The following ADARB2 variants were observed in gnomAD, a reference collection of about 807,000 sequenced individuals.
ADARB2 encodes the protein adenosine deaminase RNA specific B2 (inactive).
Under a neutral mutation model 62.2 loss-of-function variants are expected in ADARB2, and 25 were observed. The observed-to-expected ratio is 0.40, with a 90% confidence interval of 0.29 to 0.56. The LOEUF (loss-of-function observed/expected upper bound fraction) is 0.56. Among genes scored for constraint, ADARB2 ranks in the 20% least tolerant of loss-of-function variants. The probability of loss-of-function intolerance (pLI) is 0.43; values close to 1 mark genes in which losing one functional copy is unlikely to be tolerated. For synonymous variants in ADARB2, 572 were observed against 500.8 expected, an observed-to-expected ratio of 1.14 and a Z score of -1.90; for missense variants, 1,071 against 1,077.4, an observed-to-expected ratio of 0.99 and a Z score of 0.08.
intron 7 of ADARB2, among the ~76,000 whole-genome samples, chr10:1,202,921 G>T (rs1016988866): frequency 6.6e-6 from 1 of 152,332 alleles, no homozygotes; most frequent in Middle Eastern, 3.4e-3. Flanking sequence ...ACCGTCGGAA[G>T]ACAAATAACT....
Position 1,355,126 on chromosome 10 carries a change from C to T in ADARB2, c.1077+7902G>A, listed in dbSNP as rs566710595. Among the ~76,000 whole-genome samples, 14 of 152,358 alleles carry T rather than the reference C, an allele frequency of 9.2e-5. 1 individual carries two copies. The South Asian group carries it at 1.0e-3, about 11-fold the overall frequency. On this transcript the variant is annotated intron_variant, in intron 3 of 9. Coordinates refer to ENST00000381312, the MANE Select transcript of ADARB2 (RefSeq NM_018702.4). ...GGCTGCCCACCTCCTCCCACACAGT[C>T]GGGCTCTGCAGTCTTTCAATCAACT...
chr10:1,554,523 C>T (rs981831400), intron 1 of ADARB2, among the ~76,000 whole-genome samples: 42 of 151,990 alleles, frequency 2.8e-4, no homozygotes, highest in African/African-American at 9.9e-4. Context: ...CTGCTGGTGA[C>T]GCTGAAGCAC....
At chr10:1,332,474 C>T in intron 3 of ADARB2, among the ~76,000 whole-genome samples, 1 of 106,068 alleles carries the variant, frequency 9.4e-6, no homozygotes, top group East Asian at 2.2e-4. Flanking sequence ...TAACTAGCAT[C>T]AGTTTTGTTT....
intron 7 of ADARB2, among the ~76,000 whole-genome samples, chr10:1,201,751 G>A (rs1485389068): frequency 6.8e-6 from 1 of 147,432 alleles, no homozygotes; most frequent in African/African-American, 2.5e-5. Flanking sequence ...CCTGGATCTC[G>A]GATGGTGGGA....
intron 3 of ADARB2, among the ~76,000 whole-genome samples, chr10:1,347,305 G>A (rs763682981): frequency 1.3e-5 from 2 of 152,200 alleles, no homozygotes; most frequent in African/African-American, 4.8e-5. Flanking sequence ...CCCAGCCGGC[G>A]TCCCTGGGAC....
At chr10:1,453,283 A>G (rs1056784192) in intron 1 of ADARB2, among the ~76,000 whole-genome samples, 8 of 152,100 alleles carry the variant, frequency 5.3e-5, no homozygotes, top group Non-Finnish European at 1.0e-4. Flanking sequence ...ATGACGTTCA[A>G]TTTCTTTCTG....
intron 1 of ADARB2, among the ~76,000 whole-genome samples, chr10:1,723,531 C>G (rs1419415462): frequency 6.6e-6 from 1 of 152,226 alleles, no homozygotes; most frequent in Non-Finnish European, 1.5e-5. Context: ...TTGATGGTGT[C>G]TTAGGTCCTT....
At chr10:1,223,387 T>C (rs1397246253) in intron 6 of ADARB2, among the ~76,000 whole-genome samples, 2 of 152,216 alleles carry the variant, frequency 1.3e-5, no homozygotes, top group Non-Finnish European at 2.9e-5. Context: ...CTTCCTCTTT[T>C]TCTAATTGAA....
intron 1 of ADARB2, among the ~76,000 whole-genome samples, chr10:1,498,154 C>A (rs1413759599): frequency 2.0e-5 from 3 of 151,948 alleles, no homozygotes; most frequent in Non-Finnish European, 4.4e-5. Flanking sequence ...AGGTGGATCA[C>A]CTGGGGTCAG....
intron 1 of ADARB2, among the ~76,000 whole-genome samples, chr10:1,650,906 T>A (rs1197774012): frequency 6.6e-6 from 1 of 152,162 alleles, no homozygotes; most frequent in Admixed American, 6.5e-5. Flanking sequence ...GTGGAGCAGC[T>A]TTTCCCGGCT....
chr10:1,379,745 G>A (rs1320982271), intron 1 of ADARB2, among the ~76,000 whole-genome samples: 1 of 152,190 alleles, frequency 6.6e-6, no homozygotes, highest in Non-Finnish European at 1.5e-5. Context: ...CGTCCTCAAC[G>A]CGGTGGCTGG....
chr10:1,708,748 A>G (rs377765015), intron 1 of ADARB2, among the ~76,000 whole-genome samples: 233 of 152,264 alleles, frequency 1.5e-3, no homozygotes, highest in African/African-American at 4.8e-3. Context: ...TGAGGATTTG[A>G]CGAGGATGTA....
rs150438004 is a variant in ADARB2 at position 1,391,268 on chromosome 10, A to ACC, written c.101-12110_101-12109dup. Among the ~76,000 whole-genome samples, 493 of 151,156 alleles carry ACC rather than the reference A, an allele frequency of 3.3e-3. 6 individuals carry two copies. The highest frequency in any genetic ancestry group is 0.011 in the African/African-American group (433 of 41,088). On this transcript the variant is annotated intron_variant, in intron 1 of 9. Coordinates refer to ENST00000381312, the MANE Select transcript of ADARB2 (RefSeq NM_018702.4). ...ATAGGCGATGTCTGGGAAGACTGTG[A>ACC]CCCCCCCATAGTGCTCAGCCTATGA...
At chr10:1,512,819 G>A (rs1259675303) in intron 1 of ADARB2, among the ~76,000 whole-genome samples, 4 of 152,192 alleles carry the variant, frequency 2.6e-5, no homozygotes, top group Non-Finnish European at 4.4e-5. Context: ...TGCTGATCTT[G>A]TCATGCCAGG....
intron 1 of ADARB2, among the ~76,000 whole-genome samples, chr10:1,658,972 T>C (rs183354881): frequency 6.6e-6 from 1 of 152,386 alleles, no homozygotes; most frequent in African/African-American, 2.4e-5. Context: ...ACTGTGGTTC[T>C]GTTCAATTGA....
intron 1 of ADARB2, among the ~76,000 whole-genome samples, chr10:1,669,693 C>T (rs187340223): frequency 6.6e-6 from 1 of 151,370 alleles, no homozygotes; most frequent in African/African-American, 2.4e-5. Context: ...CATGCAGACA[C>T]ACACACCCAC....
rs191282250 is a variant in ADARB2, at chr10:1,398,655, T to C, written c.101-19495A>G. Among the ~76,000 whole-genome samples, 13 of 152,298 alleles carry C rather than the reference T, an allele frequency of 8.5e-5. No homozygotes were observed. The highest frequency in any genetic ancestry group is 3.3e-4 in the Admixed American group (5 of 15,298). Reference sequence around the variant, plus strand: ...AAATCTGTAATAGGCTAAGGAACAATTGATCAATATAAATAAAGTTTTAAC... The same window carrying C: ...AAATCTGTAATAGGCTAAGGAACAACTGATCAATATAAATAAAGTTTTAAC... On this transcript the variant is annotated intron_variant, in intron 1 of 9. Transcript: ENST00000381312. This position sits in a 1 kb window ranked among gnomAD's most constrained non-coding sequence, Gnocchi z 4.1.
intron 1 of ADARB2, among the ~76,000 whole-genome samples, chr10:1,698,850 C>T (rs1834782995): frequency 6.6e-6 from 1 of 152,188 alleles, no homozygotes. Flanking sequence ...ACTTCTGCCT[C>T]CCAAGTTCAA....
intron 3 of ADARB2, among the ~76,000 whole-genome samples, chr10:1,349,816 T>C (rs1252099445): frequency 6.6e-6 from 1 of 152,144 alleles, no homozygotes; most frequent in Non-Finnish European, 1.5e-5. Context: ...TGATTATTCA[T>C]CCATGTTCCA....
Sources: gnomAD v4.1 joint callset for allele counts (sites outside exome capture counted in the v4.1 genomes callset) on GRCh38, gnomAD v4.1.1 for gene constraint, Gnocchi (gnomAD v3.1) non-coding constraint, MANE v1.5 for transcripts, NCBI Gene and HGNC (gene_info 2026-07-23, HGNC 2026-07-21) for gene names.